The following LCOR variants were observed in gnomAD, a reference collection of about 807,000 sequenced individuals.
LCOR encodes the protein ligand-dependent corepressor.
LCOR carries 14 observed loss-of-function variants against 64.4 expected under a neutral mutation model. The observed-to-expected ratio is 0.22, with a 90% CI of 0.14 to 0.34. LCOR has a LOEUF of 0.34. Among genes scored for constraint, LCOR ranks in the 10% least tolerant of loss-of-function variants. The probability of loss-of-function intolerance (pLI) is 1.00; values close to 1 mark genes in which losing one functional copy is unlikely to be tolerated. For missense variants in LCOR, 1,686 were observed against 1,765.3 expected (o/e 0.96, Z 0.80); for synonymous variants, 643 against 642.5 (o/e 1.00, Z -0.01).
In LCOR at chr10:96,872,643, C is replaced by T. The variant is rs1846091122; in HGVS notation, c.-329-34622C>T. On this transcript the variant is annotated intron_variant, in intron 2 of 7. Transcript: ENST00000421806. ...TAGGCTGCAGTGAGTTGAGATCACACCACTGCACTCCAGCATAAGACTCTG... is the reference window on the plus strand; with the variant it reads ...TAGGCTGCAGTGAGTTGAGATCACATCACTGCACTCCAGCATAAGACTCTG... Among the ~76,000 whole-genome samples, 3 of 152,040 alleles carry T rather than the reference C, an allele frequency of 2.0e-5. No homozygotes were observed. In the South Asian group the frequency reaches 6.2e-4, roughly 32 times the overall value.
At chr10:96,837,166 C>T (rs188817996) in intron 2 of LCOR, among the ~76,000 whole-genome samples, 2 of 151,764 alleles carry the variant, frequency 1.3e-5, no homozygotes, top group South Asian at 4.2e-4. Flanking sequence ...AATTTTTTGT[C>T]TTTTTAGTAG....
intron 2 of LCOR, among the ~76,000 whole-genome samples, chr10:96,836,296 G>GT (rs1364353075): frequency 1.3e-5 from 2 of 151,764 alleles, no homozygotes; most frequent in African/African-American, 4.8e-5. Flanking sequence ...TTTATTTAGA[G>GT]TTTTTTTTAG....
At chr10:96,947,849 A>G (rs2134520840) in intron 5 of LCOR, among the ~76,000 whole-genome samples, 1 of 152,290 alleles carries the variant, frequency 6.6e-6, no homozygotes, top group East Asian at 1.9e-4. Context: ...CACAGAGGTA[A>G]ACAAACACAT....
At chr10:96,917,088 C>G (rs1454986320) in intron 4 of LCOR, among the ~76,000 whole-genome samples, 1 of 152,160 alleles carries the variant, frequency 6.6e-6, no homozygotes, top group Non-Finnish European at 1.5e-5. Context: ...TGAATCAGTG[C>G]TCAGTAAGAG....
In LCOR at chr10:96,835,095, T is replaced by G. The variant is rs1311048816; in HGVS notation, c.-330+1616T>G. ...TTTGTACTTTTGGTAGAGACGGGGT[T>G]TCACCATATTGGCCAGGCTGGTCTC... On this transcript the variant is annotated intron_variant, in intron 2 of 7. Coordinates refer to ENST00000421806, the MANE Select transcript of LCOR (RefSeq NM_001346516.2). 2.0e-5 allele frequency among the ~76,000 whole-genome samples: 3 copies of G among 152,196 alleles called. No homozygotes were observed. In the East Asian group the frequency reaches 5.8e-4, roughly 29 times the overall value.
chr10:96,898,160 A>G (rs935410460), intron 2 of LCOR, among the ~76,000 whole-genome samples: 1 of 152,224 alleles, frequency 6.6e-6, no homozygotes, highest in African/African-American at 2.4e-5. Context: ...AAAAAAAGGT[A>G]TATAAATAGT....
intron 2 of LCOR, among the ~76,000 whole-genome samples, chr10:96,894,273 G>A (rs1846499872): frequency 6.6e-6 from 1 of 152,056 alleles, no homozygotes; most frequent in South Asian, 2.1e-4. Flanking sequence ...TGCATTTTTA[G>A]TAGAGGTGGG....
chr10:96,861,405 T>C (rs1845885160), intron 2 of LCOR, among the ~76,000 whole-genome samples: 1 of 152,184 alleles, frequency 6.6e-6, no homozygotes, highest in South Asian at 2.1e-4. Flanking sequence ...AATCTGTTTT[T>C]CCTCTGCTCA....
At chr10:96,955,005 G>A (rs758789034) in intron 7 of LCOR, 36 of 1,614,050 alleles carry the variant, frequency 2.2e-5, no homozygotes, top group Admixed American at 3.3e-5. Context: ...GAGTGGTGAT[G>A]GGGTACCTCC....
chr10:96,920,402 GTGTATATA>G (rs1198038248), intron 4 of LCOR, among the ~76,000 whole-genome samples: 1 of 144,970 alleles, frequency 6.9e-6, no homozygotes, highest in African/African-American at 2.6e-5. Context: ...GTGTATATAT[GTGTATATA>G]TGTATATATA....
At chr10:96,861,113 A>G (rs562205848) in intron 2 of LCOR, among the ~76,000 whole-genome samples, 1 of 152,300 alleles carries the variant, frequency 6.6e-6, no homozygotes, top group Middle Eastern at 3.4e-3. Context: ...TTTCTAATTT[A>G]TAGAAAGTGG....
chr10:96,885,379 TGTTTTTGTTTTC>T (rs902705505), intron 2 of LCOR, among the ~76,000 whole-genome samples: 2 of 152,004 alleles, frequency 1.3e-5, no homozygotes, highest in Non-Finnish European at 2.9e-5. Context: ...GTTTTGTTTT[TGTTTTTGTTTTC>T]GTTTTTTTGA....
chr10:96,973,963 G>A (rs1848018080), intron 7 of LCOR, among the ~76,000 whole-genome samples: 1 of 152,144 alleles, frequency 6.6e-6, no homozygotes, highest in Non-Finnish European at 1.5e-5. Flanking sequence ...GATAACATAA[G>A]CATTGCCCAC....
At chr10:96,919,219 A>G (rs1009009550) in intron 4 of LCOR, among the ~76,000 whole-genome samples, 1 of 152,188 alleles carries the variant, frequency 6.6e-6, no homozygotes, top group Admixed American at 6.5e-5. Flanking sequence ...ATGCCTACTT[A>G]TATAAAAATT....
At chr10:96,890,720 C>A (rs1238343373) in intron 2 of LCOR, among the ~76,000 whole-genome samples, 1 of 152,096 alleles carries the variant, frequency 6.6e-6, no homozygotes, top group Non-Finnish European at 1.5e-5. Flanking sequence ...AAGCTCCTTT[C>A]TATTCCTAGA....
rs749533753 is a variant in LCOR at position 96,983,598 on chromosome 10, T to G, written c.3138T>G (p.Ala1046=). ...CTTCAACCTACAACCTAAGACACGCTCATTCTCTGGGCTCCTTGGATGCTT... is the reference window on the plus strand; with the variant it reads ...CTTCAACCTACAACCTAAGACACGCGCATTCTCTGGGCTCCTTGGATGCTT... ...LTSSTYNLRH[A]HSLGSLDASK... The change falls in exon 8 of 8, where the codon GCT becomes GCG. Residue 1046 remains alanine, a synonymous_variant. Transcript: ENST00000421806. The surrounding 1 kb of genome is among the most constrained non-coding windows in gnomAD (Gnocchi z 4.5). 1.2e-6 allele frequency: 2 copies of G among 1,614,190 alleles called. No individual in the cohort carries two copies. The highest frequency in any genetic ancestry group is 3.3e-5 in the Admixed American group (2 of 60,026).
Position 96,949,034 on chromosome 10 carries a change from A to G in LCOR, c.-24A>G. ...CAGTCCCTGGGTCTCCGACCCCAAT[A>G]TTCCCCTAGTGGCCCGTGAGATCAT... On this transcript the variant is annotated 5_prime_UTR_variant, in exon 6 of 8. In the 5' UTR this introduces an upstream ATG that the reference lacks. Coordinates refer to ENST00000421806, the MANE Select transcript of LCOR (RefSeq NM_001346516.2). The G allele has an allele frequency of 6.2e-7, 1 of 1,613,116 alleles. No homozygotes were observed. Among genetic ancestry groups the G allele is most frequent in the Non-Finnish European group, 8.5e-7 (1 of 1,179,470 alleles).
intron 2 of LCOR, among the ~76,000 whole-genome samples, chr10:96,848,284 A>G (rs549664915): frequency 6.6e-6 from 1 of 152,368 alleles, no homozygotes; most frequent in South Asian, 2.1e-4. Context: ...TGACTCAGGA[A>G]CAGAAGTATA....
chr10:96,958,288 G>T, intron 7 of LCOR: 1 of 1,404,910 alleles, frequency 7.1e-7, no homozygotes, highest in South Asian at 1.7e-5. Flanking sequence ...ATTGTTCAGA[G>T]AGGTTTAATC....
Sources: gnomAD v4.1 joint callset for allele counts (sites outside exome capture counted in the v4.1 genomes callset) on GRCh38, gnomAD v4.1.1 for gene constraint, Gnocchi (gnomAD v3.1) non-coding constraint, MANE v1.5 for transcripts, NCBI Gene and HGNC (gene_info 2026-07-23, HGNC 2026-07-21) for gene names.